The following RHOD variants were observed in gnomAD, a reference collection of about 807,000 sequenced individuals.
The protein encoded by RHOD is rho-related GTP-binding protein RhoD.
Under a neutral mutation model 16.7 loss-of-function variants are expected in RHOD, and 11 were observed. The ratio of observed to expected loss-of-function variants is 0.66; its 90% CI spans 0.41 to 1.09. The LOEUF (loss-of-function observed/expected upper bound fraction) is 1.09. Ranked by LOEUF, RHOD falls within the 50% of genes least tolerant of loss-of-function variation. RHOD has a pLI of 0.00. For missense variants in RHOD, 271 were observed against 291.7 expected (o/e 0.93, Z 0.52); for synonymous variants, 124 against 126.3 (o/e 0.98, Z 0.12).
At chr11:67,062,007 T>C (rs1218541813) in intron 1 of RHOD, among the ~76,000 whole-genome samples, 2 of 151,846 alleles carry the variant, frequency 1.3e-5, no homozygotes, top group African/African-American at 4.8e-5. Flanking sequence ...TCTCCCTCAC[T>C]ATCACAAGAA....
At chr11:67,060,284 C>T (rs902895773) in intron 1 of RHOD, among the ~76,000 whole-genome samples, 1 of 152,236 alleles carries the variant, frequency 6.6e-6, no homozygotes, top group African/African-American at 2.4e-5. Flanking sequence ...GTCTGTGAGC[C>T]CCTGGAGGGC....
chr11:67,070,657 T>A, intron 4 of RHOD, 98 bp downstream of exon 4: 1 of 1,457,596 alleles, frequency 6.9e-7, no homozygotes, highest in Non-Finnish European at 9.5e-7. Flanking sequence ...GCTCAGGGTG[T>A]AGGTCAGAGC....
At chr11:67,067,365 A>G (rs573010683) in intron 3 of RHOD, among the ~76,000 whole-genome samples, 1 of 152,134 alleles carries the variant, frequency 6.6e-6, no homozygotes, top group Non-Finnish European at 1.5e-5. Flanking sequence ...GAGTTTCCGC[A>G]GGGTACAGCC....
chr11:67,056,993 ACGTCGCTGCTGATGGTCTT>A lies in RHOD; in HGVS notation c.94_112del (p.Ser32ProfsTer23), dbSNP rs1253967094. ...GGTGGGCGACGGCGGCTGCGGGAAG[ACGTCGCTGCTGATGGTCTT>A]CGCCGATGGGGCCTTCCCCGAGGTG... On this transcript the variant is annotated frameshift_variant, in exon 1 of 5. Transcript: ENST00000308831. LOFTEE classifies it high-confidence loss of function. 47 of 1,509,198 alleles carry A rather than the reference ACGTCGCTGCTGATGGTCTT, an allele frequency of 3.1e-5. No homozygotes were observed. Among genetic ancestry groups the A allele is most frequent in the Non-Finnish European group, 3.7e-5 (42 of 1,138,804 alleles). 93.5% of individuals were successfully genotyped at this position (1,509,198 alleles called of 1,614,324 possible).
chr11:67,070,253 G>A (rs758061967), intron 3 of RHOD, 172 bp from the exon 4 acceptor site: 13 of 741,030 alleles, frequency 1.8e-5, no homozygotes, highest in Non-Finnish European at 2.8e-5. Flanking sequence ...GGGTCCATAC[G>A]TGTAAATTCT....
intron 3 of RHOD, 118 bp downstream of exon 3, chr11:67,066,965 G>A (rs2136248423): frequency 1.3e-6 from 1 of 752,444 alleles, no homozygotes; most frequent in South Asian, 1.5e-5. Flanking sequence ...ATTGATTCCA[G>A]AGCTTTTGGT....
At chr11:67,071,335 C>T (rs558855915) in intron 4 of RHOD, 100 bp from the exon 5 acceptor site, 6 of 1,251,770 alleles carry the variant, frequency 4.8e-6, no homozygotes, top group African/African-American at 3.1e-5. Flanking sequence ...ATGGGTGCTC[C>T]GCAGACCCCA....
At chr11:67,065,098 C>T (rs1034522162) in intron 1 of RHOD, among the ~76,000 whole-genome samples, 1 of 149,050 alleles carries the variant, frequency 6.7e-6, no homozygotes, top group Non-Finnish European at 1.5e-5. Context: ...TTTTTTGAGA[C>T]GGAGTCTCAC....
chr11:67,070,300 G>C, intron 3 of RHOD, 125 bp from the exon 4 acceptor site: 1 of 989,142 alleles, frequency 1.0e-6, no homozygotes, highest in Non-Finnish European at 1.6e-6. Flanking sequence ...TTCTCCCTAG[G>C]TGCTGGCTTT....
chr11:67,064,521 G>T (rs1322115523), intron 1 of RHOD, among the ~76,000 whole-genome samples: 1 of 152,058 alleles, frequency 6.6e-6, no homozygotes, highest in Non-Finnish European at 1.5e-5. Context: ...ATTTAATAGT[G>T]GTCTTGTTTG....
At chr11:67,068,952 C>A (rs1854991632) in intron 3 of RHOD, among the ~76,000 whole-genome samples, 1 of 151,800 alleles carries the variant, frequency 6.6e-6, no homozygotes, top group Non-Finnish European at 1.5e-5. Context: ...TAGTTTGATG[C>A]CAATTTTTGT....
At chr11:67,065,378 CGTT>C (rs779360331) in intron 1 of RHOD, among the ~76,000 whole-genome samples, 9 of 151,608 alleles carry the variant, frequency 5.9e-5, no homozygotes, top group East Asian at 3.9e-4. Context: ...CCGGCCTTTT[CGTT>C]GTTGTTGTTG....
At chr11:67,066,012 G>GGGGT in intron 2 of RHOD, 29 bp downstream of exon 2, 1 of 581,416 alleles carries the variant, frequency 1.7e-6, no homozygotes, top group Non-Finnish European at 3.4e-6. Context: ...GGCAGGGTGG[G>GGGGT]AGGGGCTTCT....
intron 1 of RHOD, among the ~76,000 whole-genome samples, chr11:67,064,429 GA>G: frequency 6.6e-6 from 1 of 151,460 alleles, no homozygotes; most frequent in East Asian, 1.9e-4. Context: ...AGGAAAAAGA[GA>G]AGGAAAAAAA....
chr11:67,056,876 C>A lies in RHOD; in HGVS notation c.-27C>A. On this transcript the variant is annotated 5_prime_UTR_variant, in exon 1 of 5. Coordinates refer to ENST00000308831, the MANE Select transcript of RHOD (RefSeq NM_014578.4). ...TGGGTCTCTGCGCCGCAGCCGCCCG[C>A]CCGCCCGCTCAGCGCCCGGCCCCGG... 7.3e-7 allele frequency: 1 copy of A among 1,368,516 alleles called. No homozygotes were observed. The highest frequency in any genetic ancestry group is 9.3e-7 in the Non-Finnish European group (1 of 1,072,518). The allele number at this position is 1,368,516 out of a possible 1,614,324, so 84.8% of individuals were successfully genotyped here. A position where few individuals can be genotyped will look rare whatever the true frequency, so the allele number is the denominator to read the frequency against.
At chr11:67,071,235 CA>C (rs1301812533) in intron 4 of RHOD, among the ~76,000 whole-genome samples, 199 bp from the exon 5 acceptor site, 3 of 151,690 alleles carry the variant, frequency 2.0e-5, no homozygotes, top group Non-Finnish European at 4.4e-5. Flanking sequence ...GACTCCGTCT[CA>C]AAAAAATAAT....
At position 67,065,358 on chromosome 11, in the gene RHOD, G is replaced by T. The variant is rs2046255989; in HGVS notation, c.133-538G>T. Among the ~76,000 whole-genome samples, 3 of 152,066 alleles carry T rather than the reference G, an allele frequency of 2.0e-5. No homozygotes were observed. In the South Asian group the frequency reaches 6.2e-4, roughly 32 times the overall value. On this transcript the variant is annotated intron_variant, in intron 1 of 4. Coordinates refer to ENST00000308831, the MANE Select transcript of RHOD (RefSeq NM_014578.4). ...CAAAGTGCTGGGATTACAGGCGTGA[G>T]CCAGCACACCCGGCCTTTTCGTTGT...
chr11:67,057,064 G>A, intron 1 of RHOD, 30 bp downstream of exon 1: 1 of 1,409,476 alleles, frequency 7.1e-7, no homozygotes, highest in South Asian at 1.6e-5. Context: ...GCCTCGCCCG[G>A]TTCCGCTCGC....
chr11:67,060,803 T>A (rs1854876999), intron 1 of RHOD, among the ~76,000 whole-genome samples: 1 of 152,212 alleles, frequency 6.6e-6, no homozygotes, highest in Non-Finnish European at 1.5e-5. Context: ...CCATGGGCAT[T>A]TGCAAAGCAC....
Sources: allele counts gnomAD v4.1 joint callset (sites outside exome capture counted in the v4.1 genomes callset), GRCh38; gene constraint gnomAD v4.1.1; transcripts MANE v1.5; gene names NCBI Gene and HGNC (gene_info 2026-07-23, HGNC 2026-07-21).